Variants in BAAT observed in about 807,000 individuals in gnomAD.
BAAT encodes the protein bile acid CoA: amino acid N-acyltransferase (glycine N-choloyltransferase).
Under a neutral mutation model 18.9 loss-of-function variants are expected in BAAT, and 13 were observed. The observed-to-expected ratio is 0.69, with a 90% CI of 0.45 to 1.10. The LOEUF is 1.10. Among genes scored for constraint, BAAT ranks in the 50% least tolerant of loss-of-function variants. The pLI, the probability that BAAT is intolerant of heterozygous loss-of-function variation, is 0.00. For missense variants in BAAT, 489 were observed against 504.0 expected (o/e 0.97, Z 0.28); for synonymous variants, 170 against 190.7 (o/e 0.89, Z 0.89).
chr9:101,377,108 A>C (rs1588144364), intron 1 of BAAT, among the ~76,000 whole-genome samples: 1 of 152,230 alleles, frequency 6.6e-6, no homozygotes, highest in East Asian at 1.9e-4. Flanking sequence ...ACTCTAATAC[A>C]AAGCAAAATT....
intron 1 of BAAT, among the ~76,000 whole-genome samples, chr9:101,381,975 G>T (rs924701871): frequency 6.6e-6 from 1 of 152,312 alleles, no homozygotes; most frequent in African/African-American, 2.4e-5. Context: ...ACTTCAAAAA[G>T]AATTTATCAA....
rs998355827 is a variant in BAAT at position 101,366,932 on chromosome 9, CA to C, written c.669+1187del. On this transcript the variant is annotated intron_variant, in intron 3 of 3. Coordinates refer to ENST00000259407, the MANE Select transcript of BAAT (RefSeq NM_001701.4). The stretch of plus-strand genomic sequence containing the variant: ...TTGGAGACCAGCTTTCCCAATATGG[CA>C]AAACCCCGTCTCTACTAAAAATACA... 2.4e-4 allele frequency among the ~76,000 whole-genome samples: 37 copies of C among 151,036 alleles called. No homozygotes were observed. The Middle Eastern group carries it at 0.01, about 42-fold the overall frequency.
intron 1 of BAAT, among the ~76,000 whole-genome samples, chr9:101,377,917 C>CA (rs1402625313): frequency 6.6e-6 from 1 of 152,070 alleles, no homozygotes; most frequent in African/African-American, 2.4e-5. Context: ...TCTCAGGATA[C>CA]AAAATCAATG....
intron 3 of BAAT, among the ~76,000 whole-genome samples, chr9:101,366,819 AC>A (rs1375539633): frequency 1.3e-5 from 2 of 152,090 alleles, no homozygotes; most frequent in South Asian, 2.1e-4. Context: ...ATATAAAAAA[AC>A]ATGTAGTATG....
intron 1 of BAAT, among the ~76,000 whole-genome samples, chr9:101,374,194 T>G (rs534419837): frequency 6.6e-6 from 1 of 152,260 alleles, no homozygotes; most frequent in African/African-American, 2.4e-5. Flanking sequence ...ATGACCTAAG[T>G]TTTGAAGTTT....
At chr9:101,367,103 T>C (rs1829842011) in intron 3 of BAAT, among the ~76,000 whole-genome samples, 1 of 111,208 alleles carries the variant, frequency 9.0e-6, no homozygotes, top group South Asian at 2.9e-4. Flanking sequence ...AGAGCGAGAC[T>C]CTGTCAAAAA....
chr9:101,362,990 A>T lies in BAAT; in HGVS notation c.695T>A (p.Val232Asp). 1 of 1,614,048 alleles carries T rather than the reference A, an allele frequency of 6.2e-7. No individual in the cohort carries two copies. The highest frequency in any genetic ancestry group is 8.5e-7 in the Non-Finnish European group (1 of 1,179,974). The change falls in exon 4 of 4, where the codon GTC becomes GAC. Residue 232 changes from valine (V) to aspartate (D), a missense_variant. Val to Asp is a radical substitution (Grantham distance 152, BLOSUM62 -3). Coordinates refer to ENST00000259407, the MANE Select transcript of BAAT (RefSeq NM_001701.4). Reference protein sequence around the residue: ...PKVFGSGVGVVSVCQGVQIGL... With the variant: ...PKVFGSGVGVDSVCQGVQIGL... ...AATCTGTACTCCTTGACATACAGAG[A>T]CTACCCCAACGCCTGAGCCAAAGAC...
chr9:101,363,464 G>A (rs762569743), intron 3 of BAAT, among the ~76,000 whole-genome samples: 1 of 152,058 alleles, frequency 6.6e-6, no homozygotes, highest in East Asian at 1.9e-4. Context: ...TTTTCCAAAA[G>A]TTTTCTCATT....
chr9:101,364,072 C>A (rs1829784053), intron 3 of BAAT, among the ~76,000 whole-genome samples: 1 of 152,152 alleles, frequency 6.6e-6, no homozygotes, highest in African/African-American at 2.4e-5. Flanking sequence ...GTATAGCAGA[C>A]TCTGTTAGTT....
Position 101,371,136 on chromosome 9 carries a change from C to G in BAAT, c.269G>C (p.Arg90Thr), listed in dbSNP as rs376785486. ...ATTCATCACATCTCTTTTCAACAGTCTTGTTAATAGCTTTTCAGGTTTCAG... is the reference window on the plus strand; with the variant it reads ...ATTCATCACATCTCTTTTCAACAGTGTTGTTAATAGCTTTTCAGGTTTCAG... Reference protein sequence around the residue: ...WSLKPEKLLTRLLKRDVMNRP... With the variant: ...WSLKPEKLLTTLLKRDVMNRP... The change falls in exon 2 of 4, where the codon AGA becomes ACA. Residue 90 changes from arginine to threonine, a missense_variant. Physicochemically the swap from Arg to Thr is moderately conservative, Grantham distance 71 (BLOSUM62 -1). Coordinates refer to ENST00000259407, the MANE Select transcript of BAAT (RefSeq NM_001701.4). 11 of 1,614,018 alleles carry G rather than the reference C, an allele frequency of 6.8e-6. No homozygotes were observed. In the African/African-American group the frequency reaches 1.2e-4, roughly 18 times the overall value.
At position 101,362,480 on chromosome 9, in the gene BAAT, A is replaced by G. The variant is rs778916116; in HGVS notation, c.1205T>C (p.Ile402Thr). The change falls in exon 4 of 4, where the codon ATC becomes ACC. Residue 402 changes from isoleucine (I) to threonine (T), a missense_variant. Ile to Thr is a moderately conservative substitution (Grantham distance 89, BLOSUM62 -1). Transcript: ENST00000259407. ...GAGGTGCTTCCTGAGAAATCTCTGG[A>G]TCTCCTTCCAAGCATGTTCCTGTGC... Reference protein sequence around the residue: ...AAAQEHAWKEIQRFLRKHLIP... With the variant: ...AAAQEHAWKETQRFLRKHLIP... 6.2e-7 allele frequency: 1 copy of G among 1,614,040 alleles called. No homozygotes were observed. The highest frequency in any genetic ancestry group is 8.5e-7 in the Non-Finnish European group (1 of 1,180,008).
At chr9:101,369,316 T>C (rs934540003) in intron 2 of BAAT, among the ~76,000 whole-genome samples, 1 of 152,188 alleles carries the variant, frequency 6.6e-6, no homozygotes, top group African/African-American at 2.4e-5. Flanking sequence ...GTTGAATATA[T>C]CTTAGTTTTA....
At chr9:101,366,445 G>C (rs1020775127) in intron 3 of BAAT, among the ~76,000 whole-genome samples, 1 of 152,162 alleles carries the variant, frequency 6.6e-6, no homozygotes, top group African/African-American at 2.4e-5. Context: ...TCCTGCAGAA[G>C]AGACAATGTG....
chr9:101,363,165 T>A, intron 3 of BAAT, 150 bp from the exon 4 acceptor site: 2 of 740,942 alleles, frequency 2.7e-6, no homozygotes, highest in Non-Finnish European at 4.4e-6. Context: ...CTGGAATATA[T>A]AATATGTATT....
intron 1 of BAAT, among the ~76,000 whole-genome samples, chr9:101,374,596 T>C (rs756846210): frequency 1.3e-4 from 20 of 152,262 alleles, no homozygotes; most frequent in Non-Finnish European, 2.5e-4. Flanking sequence ...CAAAGGGACC[T>C]ACCCATATTT....
chr9:101,374,618 G>C, intron 1 of BAAT, among the ~76,000 whole-genome samples: 1 of 152,058 alleles, frequency 6.6e-6, no homozygotes, highest in East Asian at 1.9e-4. Flanking sequence ...AGAAGGCCAA[G>C]ATTTGTCATG....
chr9:101,361,497 T>C lies in BAAT; in HGVS notation c.*931A>G, dbSNP rs1452867132. 6.6e-6 allele frequency: 1 copy of C among 152,616 alleles called. No homozygotes were observed. The highest frequency in any genetic ancestry group is 1.9e-4 in the East Asian group (1 of 5,194). The allele number at this position is 152,616 out of a possible 1,614,324, so 9.5% of individuals were successfully genotyped here. ...GTTGGTTAGCAAACTAAAGTATTTT[T>C]TATTTATGGGATGTACAGTAACTAT... On this transcript the variant is annotated 3_prime_UTR_variant, in exon 4 of 4. Transcript: ENST00000259407.
chr9:101,368,178 T>C lies in BAAT; in HGVS notation c.611A>G (p.Glu204Gly), dbSNP rs1289938368. 5 of 1,614,068 alleles carry C rather than the reference T, an allele frequency of 3.1e-6. No individual in the cohort carries two copies. ...CTCAAAATATTCCAAATCTGTTACT[T>C]CTGGTTTGCGGGGCAGGTCTTCATA... Reference protein sequence around the residue: ...HNYEDLPRKPEVTDLEYFEEA... With the variant: ...HNYEDLPRKPGVTDLEYFEEA... The change falls in exon 3 of 4, where the codon GAA (glutamate) becomes GGA (glycine). Residue 204 changes from glutamate (E) to glycine (G), a missense_variant. Glu to Gly is a moderately conservative substitution (Grantham distance 98). Coordinates refer to ENST00000259407, the MANE Select transcript of BAAT (RefSeq NM_001701.4).
chr9:101,362,289 T>C lies in BAAT; in HGVS notation c.*139A>G, dbSNP rs1588137669. On this transcript the variant is annotated 3_prime_UTR_variant, in exon 4 of 4. Coordinates refer to ENST00000259407, the MANE Select transcript of BAAT (RefSeq NM_001701.4). ...CAGTATAAGTGAAATATCAGGTTTT[T>C]ACCCTATGCTCTTTTTAATCATTAA... The C allele has an allele frequency of 3.3e-6, 3 of 915,322 alleles. No homozygotes were observed. The highest frequency in any genetic ancestry group is 5.0e-6 in the Non-Finnish European group (3 of 598,944). The allele number at this position is 915,322 out of a possible 1,614,324, so 56.7% of individuals were successfully genotyped here.
Sources: gnomAD v4.1 joint callset for allele counts (sites outside exome capture counted in the v4.1 genomes callset) on GRCh38, gnomAD v4.1.1 for gene constraint, MANE v1.5 for transcripts, NCBI Gene and HGNC (gene_info 2026-07-23, HGNC 2026-07-21) for gene names.